Variants in WASF3 observed in about 807,000 individuals in gnomAD.
WASF3 encodes WASP family member 3, also known as actin-binding protein WASF3.
A neutral mutation model predicts 46.6 loss-of-function variants in WASF3; 11 were observed. That is an observed-to-expected ratio of 0.24 (90% confidence interval 0.15 to 0.39). The LOEUF (loss-of-function observed/expected upper bound fraction) is 0.39. Ranked by LOEUF, WASF3 falls within the 10% of genes least tolerant of loss-of-function variation. The pLI is 1.00. For missense variants in WASF3, 576 were observed against 669.8 expected (o/e 0.86, Z 1.55); for synonymous variants, 242 against 259.7 (o/e 0.93, Z 0.65).
chr13:26,555,349 A>G (rs1169062847), upstream of WASF3, among the ~76,000 whole-genome samples: 1 of 152,194 alleles, frequency 6.6e-6, no homozygotes. Context: ...CAGCAACTAC[A>G]TCAGGTACTG....
At chr13:26,551,986 T>A in the WASF3 span, among the ~76,000 whole-genome samples, 2 of 152,188 alleles carry the variant, frequency 1.3e-5, no homozygotes, top group Non-Finnish European at 2.9e-5. Flanking sequence ...GGTGGTGAAC[T>A]CAGCTTGGGT....
chr13:26,683,654 T>C (rs1883313550), intron 9 of WASF3, among the ~76,000 whole-genome samples: 1 of 151,600 alleles, frequency 6.6e-6, no homozygotes, highest in Non-Finnish European at 1.5e-5. Context: ...AAAAAGAGTT[T>C]GTGCTGGACT....
chr13:26,622,184 A>C (rs1389966781), intron 2 of WASF3, among the ~76,000 whole-genome samples: 1 of 152,186 alleles, frequency 6.6e-6, no homozygotes, highest in East Asian at 1.9e-4. Context: ...AATCAGAGCA[A>C]AGGTTACCAG....
intron 3 of WASF3, among the ~76,000 whole-genome samples, chr13:26,650,742 T>A (rs1882291169): frequency 6.6e-6 from 1 of 152,184 alleles, no homozygotes. Flanking sequence ...AAAGAAAGAA[T>A]TCATCTGATG....
chr13:26,671,878 C>G lies in WASF3; in HGVS notation c.429C>G (p.Asp143Glu). ...PLNILTPYRD[D>E]KKDGLKFYTD... is the part of the protein sequence containing the mutation. ...ACAATACATTGATTTGTAGAGATGA[C>G]AAGAAGGATGGGCTGAAGTTCTATA... is the stretch of plus-strand genomic sequence containing the variant. Residue 143 changes from aspartate to glutamate, a missense_variant, in exon 6 of 10, where the codon GAC (aspartate) becomes GAG (glutamate). Around this residue, in one of 3 missense-constraint regions of WASF3, gnomAD observed 213 missense variants for 278.0 expected, o/e 0.77. Transcript: ENST00000335327. The G allele has an allele frequency of 6.3e-7, 1 of 1,588,460 alleles. No individual in the cohort carries two copies. Among genetic ancestry groups the G allele is most frequent in the South Asian group, 1.2e-5 (1 of 85,968 alleles).
the WASF3 span, among the ~76,000 whole-genome samples, chr13:26,547,145 C>T: frequency 6.6e-6 from 1 of 151,674 alleles, no homozygotes; most frequent in African/African-American, 2.4e-5. Context: ...CAAAACAAAA[C>T]AGGTGATCTG....
upstream of WASF3, among the ~76,000 whole-genome samples, chr13:26,554,561 T>G (rs2137127516): frequency 6.6e-6 from 1 of 152,348 alleles, no homozygotes; most frequent in African/African-American, 2.4e-5. Context: ...TTAAAAAATT[T>G]TAAGAAACGA....
chr13:26,675,491 C>T (rs1364262077), intron 6 of WASF3, among the ~76,000 whole-genome samples: 1 of 49,650 alleles, frequency 2.0e-5, no homozygotes, highest in African/African-American at 8.5e-5. Flanking sequence ...TACACACACA[C>T]ACACACACAC....
chr13:26,571,112 C>CT (rs200740730), intron 1 of WASF3, among the ~76,000 whole-genome samples: 2 of 151,936 alleles, frequency 1.3e-5, no homozygotes, highest in South Asian at 2.1e-4. Flanking sequence ...GTCTATTGCC[C>CT]TTTTTTCTAT....
At position 26,589,696 on chromosome 13, in the gene WASF3, G is replaced by A. The variant is rs114229459; in HGVS notation, c.-108-23265G>A. Among the ~76,000 whole-genome samples the A allele has an allele frequency of 6.8e-3, 1,032 of 152,276 alleles. 17 individuals are homozygous for A. The highest frequency in any genetic ancestry group is 0.024 in the African/African-American group (984 of 41,562). ...GCACAACAGAGTTTGGCAGATTTAT[G>A]TGTGAACTTAAAATAAAATAAAAGA... On this transcript the variant is annotated intron_variant, in intron 1 of 9. Transcript: ENST00000335327.
chr13:26,683,074 A>C, intron 9 of WASF3, 100 bp downstream of exon 9: 1 of 1,477,772 alleles, frequency 6.8e-7, no homozygotes, highest in South Asian at 1.4e-5. Flanking sequence ...ACTACTCACT[A>C]CGTTTTTTAA....
chr13:26,597,378 GCCCGCCTGGGCCT>G (rs1880500599), intron 1 of WASF3, among the ~76,000 whole-genome samples: 1 of 152,182 alleles, frequency 6.6e-6, no homozygotes, highest in African/African-American at 2.4e-5. Context: ...CAAGTGATCT[GCCCGCCTGGGCCT>G]CCGAAAGTGC....
chr13:26,667,425 A>T, intron 4 of WASF3, 92 bp from the exon 5 acceptor site: 1 of 1,101,186 alleles, frequency 9.1e-7, no homozygotes, highest in Non-Finnish European at 1.3e-6. Context: ...TTGTTCTAGG[A>T]GGTGTTTTTA....
At chr13:26,585,629 T>C (rs1374530977) in intron 1 of WASF3, among the ~76,000 whole-genome samples, 1 of 152,162 alleles carries the variant, frequency 6.6e-6, no homozygotes, top group Non-Finnish European at 1.5e-5. Context: ...TTTCATATAG[T>C]AGGGGCTCAG....
At chr13:26,559,124 C>G (rs1257928486) in intron 1 of WASF3, among the ~76,000 whole-genome samples, 3 of 152,182 alleles carry the variant, frequency 2.0e-5, no homozygotes, top group Admixed American at 6.5e-5. Flanking sequence ...TGGGTTTGAC[C>G]TTTCCCAAAG....
At chr13:26,549,970 T>C in the WASF3 span, among the ~76,000 whole-genome samples, 572 of 152,346 alleles carry the variant, frequency 3.8e-3, 4 homozygotes, top group Non-Finnish European at 6.4e-3. Flanking sequence ...CTTAGGCAAC[T>C]GCAGCAGGTA....
chr13:26,632,936 C>A (rs1881697945), intron 2 of WASF3, among the ~76,000 whole-genome samples: 1 of 152,138 alleles, frequency 6.6e-6, no homozygotes, highest in African/African-American at 2.4e-5. Context: ...TCCATTTCTT[C>A]TAGATTTTCT....
chr13:26,635,492 A>C (rs1485218429), intron 2 of WASF3, among the ~76,000 whole-genome samples: 2 of 152,136 alleles, frequency 1.3e-5, no homozygotes, highest in Non-Finnish European at 2.9e-5. Context: ...GCTTCTGTCA[A>C]CTCGTCAAAG....
At chr13:26,554,148 A>T (rs1388732382), upstream of WASF3, among the ~76,000 whole-genome samples, 2 of 41,078 alleles carry the variant, frequency 4.9e-5, no homozygotes, top group African/African-American at 1.5e-4. Context: ...TCTTTCTTTG[A>T]CAGAGTCTTA....
Sources: allele counts gnomAD v4.1 joint callset (sites outside exome capture counted in the v4.1 genomes callset), GRCh38; gene constraint gnomAD v4.1.1; regional missense constraint gnomAD v4.1.1; transcripts MANE v1.5; gene names NCBI Gene and HGNC (gene_info 2026-07-23, HGNC 2026-07-21).